The following PTPRD variants were observed in gnomAD, a reference collection of about 807,000 sequenced individuals.
PTPRD encodes the protein receptor-type tyrosine-protein phosphatase delta.
A neutral mutation model predicts 214.5 loss-of-function variants in PTPRD; 34 were observed. The ratio of observed to expected loss-of-function variants is 0.16; its 90% confidence interval spans 0.12 to 0.21. The LOEUF (loss-of-function observed/expected upper bound fraction) is 0.21, where lower values mean the gene tolerates loss of function less well. Ranked by LOEUF, PTPRD falls within the 10% of genes least tolerant of loss-of-function variation. The pLI is 1.00. For missense variants in PTPRD, 2,545 were observed against 2,398.7 expected, an observed-to-expected ratio of 1.06 and a Z score of -1.27; for synonymous variants, 1,128 against 845.7, an observed-to-expected ratio of 1.33 and a Z score of -5.79.
At chr9:8,690,259 G>C (rs1033649213) in intron 12 of PTPRD, among the ~76,000 whole-genome samples, 1 of 152,068 alleles carries the variant, frequency 6.6e-6, no homozygotes, top group African/African-American at 2.4e-5. Context: ...CGGGTGCGGA[G>C]GCTTGTGTCT....
At chr9:9,208,037 T>TTTTTTTTTTTTTA (rs58213826) in intron 9 of PTPRD, among the ~76,000 whole-genome samples, 2 of 140,116 alleles carry the variant, frequency 1.4e-5, no homozygotes, top group Admixed American at 7.5e-5. Flanking sequence ...TTTTTTTTTT[T>TTTTTTTTTTTTTA]GAGACAGAGC....
chr9:8,462,513 G>A (rs573828483), intron 32 of PTPRD, among the ~76,000 whole-genome samples: 1 of 152,054 alleles, frequency 6.6e-6, no homozygotes, highest in South Asian at 2.1e-4. Flanking sequence ...TGGTTCTCAA[G>A]GGCATCCACA....
intron 7 of PTPRD, among the ~76,000 whole-genome samples, chr9:9,676,629 T>G (rs943765064): frequency 1.3e-5 from 2 of 152,172 alleles, no homozygotes; most frequent in Non-Finnish European, 2.9e-5. Context: ...TATAATCCTT[T>G]GGGTATATAC....
intron 7 of PTPRD, among the ~76,000 whole-genome samples, chr9:9,580,624 C>T (rs1033767879): frequency 6.8e-6 from 1 of 146,660 alleles, no homozygotes; most frequent in Non-Finnish European, 1.5e-5. Context: ...TCTCTGCTCA[C>T]TGCAACCTCT....
chr9:10,081,224 A>C (rs1162779632), intron 3 of PTPRD, among the ~76,000 whole-genome samples: 1 of 152,168 alleles, frequency 6.6e-6, no homozygotes, highest in Non-Finnish European at 1.5e-5. Context: ...CTTTCAAAAT[A>C]ATACTACTGT....
At chr9:8,372,117 C>A (rs1017315858) in intron 39 of PTPRD, among the ~76,000 whole-genome samples, 1 of 152,006 alleles carries the variant, frequency 6.6e-6, no homozygotes, top group African/African-American at 2.4e-5. Flanking sequence ...TCAACATGTT[C>A]TCTCTCACTG....
At chr9:9,345,998 A>T (rs1335843272) in intron 9 of PTPRD, among the ~76,000 whole-genome samples, 1 of 152,160 alleles carries the variant, frequency 6.6e-6, no homozygotes, top group Admixed American at 6.6e-5. Flanking sequence ...AGAAGATTTC[A>T]GGTGAAAGTA....
Position 9,423,418 on chromosome 9 carries a change from T to C in PTPRD, c.-236-25936A>G, listed in dbSNP as rs113185554. Among the ~76,000 whole-genome samples, 160 of 152,332 alleles carry C rather than the reference T, an allele frequency of 1.1e-3. 1 individual carries two copies. The highest frequency in any genetic ancestry group is 3.7e-3 in the African/African-American group (153 of 41,574). ...GAAACTGAATCAGCCAGCCTCTTGATCTTGGACTTCTCAGCCTCAAGGATT... is the reference window on the plus strand; with the variant it reads ...GAAACTGAATCAGCCAGCCTCTTGACCTTGGACTTCTCAGCCTCAAGGATT... On this transcript the variant is annotated intron_variant, in intron 8 of 45. Transcript: ENST00000381196.
intron 14 of PTPRD, among the ~76,000 whole-genome samples, chr9:8,612,630 A>G (rs549526478): frequency 6.6e-6 from 1 of 152,340 alleles, no homozygotes; most frequent in African/African-American, 2.4e-5. Flanking sequence ...TCGAACTTGG[A>G]CACAGGGAGA....
chr9:10,185,499 A>G (rs2099326175), intron 3 of PTPRD, among the ~76,000 whole-genome samples: 1 of 152,164 alleles, frequency 6.6e-6, no homozygotes, highest in Non-Finnish European at 1.5e-5. Flanking sequence ...ACATATATTA[A>G]TTAACTCAGT....
intron 5 of PTPRD, among the ~76,000 whole-genome samples, chr9:9,930,221 T>C (rs149659155): frequency 8.1e-4 from 124 of 152,316 alleles, no homozygotes; most frequent in Non-Finnish European, 1.3e-3. Flanking sequence ...ATTTGGTATG[T>C]TGATCTAGTA....
chr9:9,451,614 A>C (rs953432259), intron 8 of PTPRD, among the ~76,000 whole-genome samples: 2 of 151,678 alleles, frequency 1.3e-5, no homozygotes, highest in African/African-American at 4.8e-5. Flanking sequence ...TGAATGAGAG[A>C]AAGTAGAAAT....
chr9:10,441,736 G>C (rs576416294), intron 2 of PTPRD, among the ~76,000 whole-genome samples: 4 of 151,640 alleles, frequency 2.6e-5, no homozygotes, highest in Admixed American at 1.3e-4. Flanking sequence ...ACAGCAGGTA[G>C]TTAATAAATC....
chr9:8,500,381 G>T (rs2097368695), intron 24 of PTPRD, among the ~76,000 whole-genome samples: 1 of 151,234 alleles, frequency 6.6e-6, no homozygotes, highest in Middle Eastern at 3.4e-3. Context: ...GCAACAAAAA[G>T]GTAAGAAGGT....
At chr9:9,199,570 A>C (rs1007284997) in intron 9 of PTPRD, among the ~76,000 whole-genome samples, 1 of 152,192 alleles carries the variant, frequency 6.6e-6, no homozygotes, top group African/African-American at 2.4e-5. Context: ...TTATAAAGGA[A>C]ACCAAGATCA....
At chr9:9,902,982 T>C (rs777624638) in intron 5 of PTPRD, among the ~76,000 whole-genome samples, 1 of 152,164 alleles carries the variant, frequency 6.6e-6, no homozygotes, top group Non-Finnish European at 1.5e-5. Context: ...AAATATCCTA[T>C]ATTTTAATTA....
At chr9:10,190,418 A>AAAC (rs2099358454) in intron 3 of PTPRD, among the ~76,000 whole-genome samples, 2 of 84,524 alleles carry the variant, frequency 2.4e-5, no homozygotes, top group East Asian at 5.6e-4. Context: ...AAAAAAAAAA[A>AAAC]AACAAAAAGT....
At chr9:9,098,360 G>A (rs951065235) in intron 10 of PTPRD, among the ~76,000 whole-genome samples, 2 of 152,026 alleles carry the variant, frequency 1.3e-5, no homozygotes. Flanking sequence ...GGGTTCAAGT[G>A]ATTCTCCTGC....
In PTPRD at chr9:8,497,969, G is replaced by A. The variant is rs371287092; in HGVS notation, c.2323-701C>T. ...TAATTGTAGACTTACAAGATAAAACGTAGCAATGATGGCTTTAATTTTATA... is the reference window on the plus strand; with the variant it reads ...TAATTGTAGACTTACAAGATAAAACATAGCAATGATGGCTTTAATTTTATA... On this transcript the variant is annotated intron_variant, in intron 25 of 45. Transcript: ENST00000381196. 1.8e-4 allele frequency among the ~76,000 whole-genome samples: 28 copies of A among 152,242 alleles called. No individual in the cohort carries two copies. In the South Asian group the frequency reaches 3.5e-3, roughly 19 times the overall value.
Sources: allele counts gnomAD v4.1 joint callset (sites outside exome capture counted in the v4.1 genomes callset), GRCh38; gene constraint gnomAD v4.1.1; transcripts MANE v1.5; gene names NCBI Gene and HGNC (gene_info 2026-07-23, HGNC 2026-07-21).